Variants in TOPAZ1 observed in about 807,000 individuals in gnomAD.
The protein encoded by TOPAZ1 is protein TOPAZ1.
TOPAZ1 carries 66 observed loss-of-function variants against 172.2 expected under a neutral mutation model. That is an observed-to-expected ratio of 0.38 (90% CI 0.31 to 0.47). The LOEUF (loss-of-function observed/expected upper bound fraction) is 0.47. Ranked by LOEUF, TOPAZ1 falls within the 20% of genes least tolerant of loss-of-function variation. The pLI is 0.99. For synonymous variants in TOPAZ1, 681 were observed against 683.9 expected (o/e 1.00, Z 0.07); for missense variants, 1,822 against 1,972.4 (o/e 0.92, Z 1.44).
chr3:44,310,188 C>T (rs532047237), intron 16 of TOPAZ1, among the ~76,000 whole-genome samples, 198 bp downstream of exon 16: 1 of 152,218 alleles, frequency 6.6e-6, no homozygotes, highest in African/African-American at 2.4e-5. Flanking sequence ...TTATATAAGC[C>T]TTTGTTCATT....
At chr3:44,277,472 C>G (rs528697144) in intron 8 of TOPAZ1, among the ~76,000 whole-genome samples, 281 of 152,176 alleles carry the variant, frequency 1.8e-3, no homozygotes, top group African/African-American at 6.5e-3. Context: ...ACTTGGATGC[C>G]TTTTATTTCT....
At chr3:44,268,366 C>T (rs11926391) in intron 6 of TOPAZ1, among the ~76,000 whole-genome samples, 4,445 of 67,276 alleles carry the variant, frequency 0.066, 174 homozygotes, top group Middle Eastern at 0.14. Context: ...GGTGCCTATT[C>T]TTTTTTTTTT....
At chr3:44,242,507 C>G (rs1429773978) in intron 1 of TOPAZ1, 108 bp downstream of exon 1, 2 of 1,180,832 alleles carry the variant, frequency 1.7e-6, no homozygotes, top group African/African-American at 3.1e-5. Flanking sequence ...ATTTCTGATG[C>G]ACATAGTTGA....
chr3:44,286,952 A>G (rs1026975963), intron 9 of TOPAZ1, among the ~76,000 whole-genome samples: 12 of 152,236 alleles, frequency 7.9e-5, no homozygotes, highest in Admixed American at 2.0e-4. Context: ...GGCAGGGAGA[A>G]GTTAAAAATA....
Position 44,288,489 on chromosome 3 carries a change from C to T in TOPAZ1, c.3681+650C>T, listed in dbSNP as rs1700102749. Among the ~76,000 whole-genome samples, 5 of 152,220 alleles carry T rather than the reference C, an allele frequency of 3.3e-5. No individual in the cohort carries two copies. In the South Asian group the frequency reaches 1.0e-3, roughly 32 times the overall value. ...ACAGGGTCAGGAGTTCAAGACCAGC[C>T]TGACCAACATGGTGAAACCCCATCT... On this transcript the variant is annotated intron_variant, in intron 11 of 19. Coordinates refer to ENST00000309765, the MANE Select transcript of TOPAZ1 (RefSeq NM_001145030.2).
At chr3:44,297,129 C>T (rs1553649780) in intron 12 of TOPAZ1, among the ~76,000 whole-genome samples, 6 of 148,246 alleles carry the variant, frequency 4.0e-5, no homozygotes, top group Non-Finnish European at 8.9e-5. Context: ...CGAGATTGAA[C>T]CATTGCACTC....
Position 44,243,305 on chromosome 3 carries a change from A to C in TOPAZ1, c.799A>C (p.Ser267Arg). Residue 267 changes from serine (S) to arginine (R), a missense_variant, in exon 2 of 20, where the codon AGT becomes CGT. This residue lies in a region of TOPAZ1 where 1,489 missense variants were observed against 1,490.8 expected (regional missense o/e 1.00). Coordinates refer to ENST00000309765, the MANE Select transcript of TOPAZ1 (RefSeq NM_001145030.2). Reference protein sequence around the residue: ...ENFSKKENLRSLAEKSDTNSI... With the variant: ...ENFSKKENLRRLAEKSDTNSI... ...TTTCTCAAAGAAAGAAAACCTTAGGAGTCTTGCAGAGAAGAGTGACACAAA... is the reference window on the plus strand; with the variant it reads ...TTTCTCAAAGAAAGAAAACCTTAGGCGTCTTGCAGAGAAGAGTGACACAAA... The C allele has an allele frequency of 6.4e-7, 1 of 1,551,542 alleles. No individual in the cohort carries two copies. The highest frequency in any genetic ancestry group is 8.7e-7 in the Non-Finnish European group (1 of 1,146,928).
chr3:44,268,366 CTTTT>C (rs34027226), intron 6 of TOPAZ1, among the ~76,000 whole-genome samples: 53 of 67,480 alleles, frequency 7.9e-4, no homozygotes, highest in Admixed American at 2.2e-3. Context: ...GGTGCCTATT[CTTTT>C]TTTTTTTTTT....
rs1161545533 is a variant in TOPAZ1 at position 44,244,186 on chromosome 3, A to G, written c.1680A>G (p.Ser560=). ...SSLTETNTES[S]SKEKLDSNSN... is the part of the protein sequence containing the mutation. ...TAACAGAAACAAACACTGAATCTTC[A>G]AGTAAAGAAAAATTAGATTCTAATT... The change falls in exon 2 of 20, where the codon TCA becomes TCG. Residue 560 remains serine, a synonymous_variant. Coordinates refer to ENST00000309765, the MANE Select transcript of TOPAZ1 (RefSeq NM_001145030.2). The G allele has an allele frequency of 6.4e-7, 1 of 1,550,424 alleles. No individual in the cohort carries two copies. Among genetic ancestry groups the G allele is most frequent in the Admixed American group, 2.0e-5 (1 of 50,848 alleles).
chr3:44,293,905 A>T (rs1215990246), intron 12 of TOPAZ1, among the ~76,000 whole-genome samples: 1 of 152,208 alleles, frequency 6.6e-6, no homozygotes, highest in Non-Finnish European at 1.5e-5. Flanking sequence ...CACCCTTATG[A>T]TGATTACACA....
intron 11 of TOPAZ1, among the ~76,000 whole-genome samples, 195 bp from the exon 12 acceptor site, chr3:44,290,576 A>T (rs1700126090): frequency 6.6e-6 from 1 of 152,196 alleles, no homozygotes; most frequent in South Asian, 2.1e-4. Flanking sequence ...CAAAAACTTA[A>T]TATTTTCATT....
chr3:44,243,565 T>C lies in TOPAZ1; in HGVS notation c.1059T>C (p.Tyr353=). Residue 353 remains tyrosine, a synonymous_variant, in exon 2 of 20, where the codon TAT becomes TAC. Transcript: ENST00000309765. ...CTGAGATGAACTTCTCTAATGAGTA[T>C]AACAAGTCTGAGTTGATGTTGCAAG... ...TVTEMNFSNE[Y]NKSELMLQEN... The C allele has an allele frequency of 6.4e-7, 1 of 1,551,270 alleles. No homozygotes were observed. The highest frequency in any genetic ancestry group is 8.7e-7 in the Non-Finnish European group (1 of 1,146,960).
At chr3:44,322,546 C>A (rs556296263) in intron 17 of TOPAZ1, among the ~76,000 whole-genome samples, 1 of 152,234 alleles carries the variant, frequency 6.6e-6, no homozygotes, top group East Asian at 1.9e-4. Context: ...TTGTCAAATG[C>A]TTTTTCGTTT....
At chr3:44,278,395 G>A (rs962433330) in intron 8 of TOPAZ1, among the ~76,000 whole-genome samples, 6 of 152,202 alleles carry the variant, frequency 3.9e-5, no homozygotes, top group African/African-American at 1.4e-4. Flanking sequence ...ATCACAGAAT[G>A]AGTTAGGGAC....
rs112190605 is a variant in TOPAZ1 at position 44,300,235 on chromosome 3, C to G, written c.3798-3780C>G. Among the ~76,000 whole-genome samples, 917 of 152,052 alleles carry G rather than the reference C, an allele frequency of 6.0e-3. 3 individuals carry two copies. Among genetic ancestry groups the G allele is most frequent in the Non-Finnish European group, 0.011 (733 of 67,956 alleles). ...ATCACTTGAGGTCAGGAGTTTGAGA[C>G]CAGCCTGGCCAACATGGTAAAACCC... On this transcript the variant is annotated intron_variant, in intron 12 of 19. Transcript: ENST00000309765.
chr3:44,314,527 T>C (rs947692959), intron 16 of TOPAZ1, among the ~76,000 whole-genome samples: 2 of 152,134 alleles, frequency 1.3e-5, no homozygotes, highest in African/African-American at 4.8e-5. Context: ...TCCAGGTCTA[T>C]CTGACTGCAA....
At position 44,270,734 on chromosome 3, in the gene TOPAZ1, T is replaced by G; in HGVS notation, c.3296T>G (p.Phe1099Cys). 2 of 1,550,696 alleles carry G rather than the reference T, an allele frequency of 1.3e-6. No individual in the cohort carries two copies. The highest frequency in any genetic ancestry group is 2.4e-5 in the South Asian group (2 of 83,826). Residue 1099 changes from phenylalanine (F) to cysteine (C), a missense_variant, in exon 8 of 20, where the codon TTT becomes TGT. This residue lies in a region of TOPAZ1 where 1,489 missense variants were observed against 1,490.8 expected (regional missense o/e 1.00). Transcript: ENST00000309765. ...GLMIPYKYCK[F>C]HFNTLRGCER... ...ATGATACCCTATAAATATTGCAAATTTCATTTTAATACATTACGTGGCTGT... is the reference window on the plus strand; with the variant it reads ...ATGATACCCTATAAATATTGCAAATGTCATTTTAATACATTACGTGGCTGT...
chr3:44,320,141 T>C (rs1700492754), intron 16 of TOPAZ1, among the ~76,000 whole-genome samples: 1 of 152,216 alleles, frequency 6.6e-6, no homozygotes, highest in Admixed American at 6.5e-5. Flanking sequence ...TATTCTCTTT[T>C]TTTAAAGAGG....
rs1011394549 is a variant in TOPAZ1, at chr3:44,244,135, C to T, written c.1629C>T (p.Asp543=). The T allele has an allele frequency of 2.6e-5, 40 of 1,551,388 alleles. No homozygotes were observed. The African/African-American group carries it at 5.5e-4, about 21-fold the overall frequency. Residue 543 remains aspartate (D), a synonymous_variant, in exon 2 of 20, where the codon GAC becomes GAT. Coordinates refer to ENST00000309765, the MANE Select transcript of TOPAZ1 (RefSeq NM_001145030.2). ...AAACAAACCAGACCCATTTAACTGA[C>T]TCCAAATTATTATTACAAAGTTCCT... ...KHQTNQTHLT[D]SKLLLQSSLT...
Sources: allele counts gnomAD v4.1 joint callset (sites outside exome capture counted in the v4.1 genomes callset), GRCh38; gene constraint gnomAD v4.1.1; regional missense constraint gnomAD v4.1.1; transcripts MANE v1.5; gene names NCBI Gene and HGNC (gene_info 2026-07-23, HGNC 2026-07-21).